Variants in RALGPS1 observed in about 807,000 individuals in gnomAD.
RALGPS1 encodes Ral GEF with PH domain and SH3 binding motif 1, also known as ras-specific guanine nucleotide-releasing factor RalGPS1.
RALGPS1 carries 19 observed loss-of-function variants against 78.8 expected under a neutral mutation model. The observed-to-expected ratio is 0.24, with a 90% CI of 0.17 to 0.35. The LOEUF (loss-of-function observed/expected upper bound fraction) is 0.35, where lower values mean the gene tolerates loss of function less well. Ranked by LOEUF, RALGPS1 falls within the 10% of genes least tolerant of loss-of-function variation. The pLI is 1.00. For synonymous variants in RALGPS1, 228 were observed against 256.3 expected, an observed-to-expected ratio of 0.89 and a Z score of 1.06; for missense variants, 454 against 688.3, an observed-to-expected ratio of 0.66 and a Z score of 3.81.
intron 1 of RALGPS1, among the ~76,000 whole-genome samples, chr9:126,960,182 CCCTCCCTCCCTT>C (rs2038746380): frequency 1.1e-5 from 1 of 87,648 alleles, no homozygotes; most frequent in Non-Finnish European, 2.3e-5. Context: ...CTCCCTCCCT[CCCTCCCTCCCTT>C]CCTTCCCTCC....
intron 4 of RALGPS1, among the ~76,000 whole-genome samples, chr9:127,028,444 A>G (rs1307736924): frequency 1.3e-5 from 2 of 152,214 alleles, no homozygotes; most frequent in Non-Finnish European, 2.9e-5. Context: ...ATAAAATGAG[A>G]TGGTCTCTGT....
chr9:127,164,759 C>T (rs1401809473), intron 8 of RALGPS1, among the ~76,000 whole-genome samples: 2 of 149,686 alleles, frequency 1.3e-5, no homozygotes, highest in Non-Finnish European at 3.0e-5. Context: ...AGGCTGGTTC[C>T]GAGCTCCTAG....
chr9:127,060,124 G>A (rs924067263), intron 7 of RALGPS1, among the ~76,000 whole-genome samples: 4 of 152,062 alleles, frequency 2.6e-5, no homozygotes, highest in South Asian at 2.1e-4. Flanking sequence ...AGGAGAGTCC[G>A]GCTGCCCACA....
chr9:127,012,417 C>A (rs1171859867), intron 4 of RALGPS1, among the ~76,000 whole-genome samples: 3 of 152,216 alleles, frequency 2.0e-5, no homozygotes, highest in Non-Finnish European at 4.4e-5. Context: ...GAGAGCAGCC[C>A]TGTGTCTCGG....
chr9:127,016,219 G>C (rs1317037209), intron 4 of RALGPS1, among the ~76,000 whole-genome samples: 6 of 151,996 alleles, frequency 3.9e-5, no homozygotes, highest in Non-Finnish European at 5.9e-5. Flanking sequence ...TGTCTCTCTC[G>C]GACTCAACCT....
At chr9:127,051,970 T>G (rs2048335692) in intron 6 of RALGPS1, among the ~76,000 whole-genome samples, 1 of 152,156 alleles carries the variant, frequency 6.6e-6, no homozygotes, top group African/African-American at 2.4e-5. Flanking sequence ...AGGCTGAGAC[T>G]CATATTGTAC....
intron 1 of RALGPS1, among the ~76,000 whole-genome samples, chr9:126,919,356 A>C (rs1368621523): frequency 6.6e-6 from 1 of 152,222 alleles, no homozygotes; most frequent in East Asian, 1.9e-4. Flanking sequence ...CTAGGAAAAA[A>C]AGTGGCCTTG....
rs2049963278 is a variant in RALGPS1 at position 127,069,125 on chromosome 9, A to G, written c.484-105A>G. On this transcript the variant is annotated intron_variant, in intron 7 of 18. Transcript: ENST00000259351. ...AGTTCTGTCCAGGATTCGGCACACC[A>G]TAGATATGTCACTTAGGATTTTCCC... 4 of 1,155,446 alleles carry G rather than the reference A, an allele frequency of 3.5e-6. No individual in the cohort carries two copies. In the South Asian group the frequency reaches 4.5e-5, roughly 13 times the overall value. 71.6% of individuals were successfully genotyped at this position (1,155,446 alleles called of 1,614,324 possible). A position where few individuals can be genotyped will look rare whatever the true frequency, so the allele number is the denominator to read the frequency against.
intron 4 of RALGPS1, among the ~76,000 whole-genome samples, chr9:127,007,475 C>T (rs932689080): frequency 6.6e-6 from 1 of 151,998 alleles, no homozygotes; most frequent in African/African-American, 2.4e-5. Flanking sequence ...TAGGGGCTGT[C>T]GGGGGAATTA....
chr9:127,076,606 G>T (rs904475758), intron 8 of RALGPS1, among the ~76,000 whole-genome samples: 1 of 152,084 alleles, frequency 6.6e-6, no homozygotes, highest in Admixed American at 6.5e-5. Context: ...AAATCAACAG[G>T]GCTAAACTGT....
chr9:127,114,781 C>T (rs1232386399), intron 8 of RALGPS1, among the ~76,000 whole-genome samples: 1 of 152,258 alleles, frequency 6.6e-6, no homozygotes, highest in Non-Finnish European at 1.5e-5. Flanking sequence ...GAACTGCCAG[C>T]TGGCCCCTGA....
intron 5 of RALGPS1, among the ~76,000 whole-genome samples, chr9:127,041,031 TTGTGTGTGTGTG>T (rs58541875): frequency 7.4e-6 from 1 of 135,716 alleles, no homozygotes; most frequent in Non-Finnish European, 1.6e-5. Context: ...CTACAAACAT[TTGTGTGTGTGTG>T]TGTGTGTGTG....
chr9:127,001,492 T>C (rs917764718), intron 4 of RALGPS1, among the ~76,000 whole-genome samples: 1 of 152,218 alleles, frequency 6.6e-6, no homozygotes, highest in African/African-American at 2.4e-5. Flanking sequence ...AGTGATAATA[T>C]ACCATTTTAT....
At chr9:126,974,868 T>G (rs1040147575) in intron 3 of RALGPS1, among the ~76,000 whole-genome samples, 1 of 151,512 alleles carries the variant, frequency 6.6e-6, no homozygotes, top group African/African-American at 2.4e-5. Context: ...GTACCTCTCC[T>G]GAGGGAGGGA....
At chr9:127,003,307 G>A (rs2043519686) in intron 4 of RALGPS1, among the ~76,000 whole-genome samples, 1 of 151,998 alleles carries the variant, frequency 6.6e-6, no homozygotes, top group South Asian at 2.1e-4. Flanking sequence ...CTACTCATCT[G>A]ACAAAGGGCT....
chr9:127,167,630 G>T (rs1437128365), intron 9 of RALGPS1, among the ~76,000 whole-genome samples: 1 of 152,194 alleles, frequency 6.6e-6, no homozygotes, highest in Non-Finnish European at 1.5e-5. Flanking sequence ...CATCAGTTTT[G>T]TAAAACAGGT....
rs2062752227 is a variant in RALGPS1 at position 127,220,762 on chromosome 9, A to C, written c.*1993A>C. Reference sequence around the variant, plus strand: ...AAGTGCAAGATGTGGAACATCAACTACCTATTTTCCTTGGGTTTTTCCACT... The same window carrying C: ...AAGTGCAAGATGTGGAACATCAACTCCCTATTTTCCTTGGGTTTTTCCACT... On this transcript the variant is annotated 3_prime_UTR_variant, in exon 19 of 19. Coordinates refer to ENST00000259351, the MANE Select transcript of RALGPS1 (RefSeq NM_014636.3). 2.0e-5 allele frequency: 3 copies of C among 152,380 alleles called. No homozygotes were observed. Among genetic ancestry groups the C allele is most frequent in the African/African-American group, 7.2e-5 (3 of 41,444 alleles). The allele number at this position is 152,380 out of a possible 1,614,324, so 9.4% of individuals were successfully genotyped here. A position where few individuals can be genotyped will look rare whatever the true frequency, so the allele number is the denominator to read the frequency against.
intron 4 of RALGPS1, among the ~76,000 whole-genome samples, chr9:127,026,289 C>T (rs904376345): frequency 3.3e-5 from 5 of 152,134 alleles, no homozygotes; most frequent in African/African-American, 7.2e-5. Flanking sequence ...ATATTCTAGC[C>T]GCATTGGCAG....
At chr9:126,980,571 G>A (rs1396130256) in intron 4 of RALGPS1, among the ~76,000 whole-genome samples, 1 of 152,194 alleles carries the variant, frequency 6.6e-6, no homozygotes, top group Non-Finnish European at 1.5e-5. Flanking sequence ...TTTGCTTTGT[G>A]AAATCCTAAT....
Sources: gnomAD v4.1 joint callset for allele counts (sites outside exome capture counted in the v4.1 genomes callset) on GRCh38, gnomAD v4.1.1 for gene constraint, MANE v1.5 for transcripts, NCBI Gene and HGNC (gene_info 2026-07-23, HGNC 2026-07-21) for gene names.